HTR2C: variants seen among roughly 807,000 people sequenced by gnomAD.
HTR2C encodes the protein 5-hydroxytryptamine (serotonin) receptor 2C, G protein-coupled.
A neutral mutation model predicts 21.0 loss-of-function variants in HTR2C; 5 were observed. The observed-to-expected ratio is 0.24, with a 90% CI of 0.12 to 0.50. HTR2C has a LOEUF of 0.50. Ranked by LOEUF, HTR2C falls within the 20% of genes least tolerant of loss-of-function variation. The pLI is 0.98. For synonymous variants in HTR2C, 150 were observed against 145.3 expected, an observed-to-expected ratio of 1.03 and a Z score of -0.23; for missense variants, 271 against 371.2, an observed-to-expected ratio of 0.73 and a Z score of 2.22.
At chrX:114,631,150 A>G (rs1266192686) in intron 2 of HTR2C, among the ~76,000 whole-genome samples, 1 of 111,056 alleles carries the variant, frequency 9.0e-6, no homozygotes, top group Non-Finnish European at 1.9e-5. Flanking sequence ...TAAAAATACA[A>G]AAAAAATCAG....
At chrX:114,601,856 G>A (rs1928113196) in intron 1 of HTR2C, among the ~76,000 whole-genome samples, 2 of 96,641 alleles carry the variant, frequency 2.1e-5, no homozygotes, top group African/African-American at 7.7e-5. Flanking sequence ...AGCAGGATTA[G>A]GGGCGGCGTG....
chrX:114,823,520 C>T (rs1473407865), intron 4 of HTR2C: 4 of 344,549 alleles, frequency 1.2e-5, no homozygotes, highest in Admixed American at 3.1e-5. Flanking sequence ...AGGGGGCTGG[C>T]TGGTTGCATA....
At chrX:114,888,601 T>A in intron 5 of HTR2C, among the ~76,000 whole-genome samples, 1 of 111,962 alleles carries the variant, frequency 8.9e-6, no homozygotes. Flanking sequence ...AGTTTCCATC[T>A]TCCTGCATTG....
At chrX:114,633,941 T>G (rs1556404809) in intron 2 of HTR2C, among the ~76,000 whole-genome samples, 1 of 23,232 alleles carries the variant, frequency 4.3e-5, no homozygotes, top group Non-Finnish European at 8.4e-5. Context: ...TGTATATATA[T>G]ATATATAGAG....
At chrX:114,751,852 A>G (rs1246845230) in intron 4 of HTR2C, among the ~76,000 whole-genome samples, 1 of 111,353 alleles carries the variant, frequency 9.0e-6, no homozygotes, top group Non-Finnish European at 1.9e-5. Context: ...AATTTTCTTC[A>G]CCCTTCAAAT....
chrX:114,726,297 C>G (rs1476285952), intron 2 of HTR2C, among the ~76,000 whole-genome samples: 1 of 112,517 alleles, frequency 8.9e-6, no homozygotes, highest in Non-Finnish European at 1.9e-5. Flanking sequence ...GTCTGTCACC[C>G]CTTTGTTTGA....
intron 4 of HTR2C, among the ~76,000 whole-genome samples, chrX:114,834,123 A>G (rs1466868092): frequency 9.1e-6 from 1 of 109,677 alleles, no homozygotes; most frequent in Non-Finnish European, 1.9e-5. Context: ...ACTTCCAAGT[A>G]TGTGGTCAAT....
chrX:114,812,764 A>C lies in HTR2C; in HGVS notation c.350-35239A>C, dbSNP rs782665458. ...AACAAACAAACAAACAAAAAAAAAA[A>C]CAAAAAAACAAGGCTATCTTGTTAA... On this transcript the variant is annotated intron_variant, in intron 4 of 5. Coordinates refer to ENST00000276198, the MANE Select transcript of HTR2C (RefSeq NM_000868.4). 5.0e-4 allele frequency among the ~76,000 whole-genome samples: 55 copies of C among 109,729 alleles called. 1 individual carries two copies. Among genetic ancestry groups the C allele is most frequent in the African/African-American group, 1.7e-3 (52 of 30,126 alleles).
chrX:114,604,489 A>G (rs1928303120), intron 1 of HTR2C, among the ~76,000 whole-genome samples: 1 of 109,949 alleles, frequency 9.1e-6, no homozygotes, highest in African/African-American at 3.3e-5. Flanking sequence ...CTTACCTTCC[A>G]CTGTGAGAGT....
intron 2 of HTR2C, among the ~76,000 whole-genome samples, chrX:114,684,105 C>A (rs185442410): frequency 9.9e-5 from 11 of 110,884 alleles, no homozygotes; most frequent in Non-Finnish European, 1.7e-4. Flanking sequence ...ATATTGAGAG[C>A]CCTTTGAGAT....
intron 1 of HTR2C, among the ~76,000 whole-genome samples, chrX:114,597,771 A>G (rs1437319377): frequency 8.9e-6 from 1 of 112,003 alleles, no homozygotes; most frequent in Non-Finnish European, 1.9e-5. Context: ...TCCATGCTAC[A>G]CTAGTTTAGC....
intron 2 of HTR2C, among the ~76,000 whole-genome samples, chrX:114,681,240 G>T (rs1234226914): frequency 9.0e-6 from 1 of 111,152 alleles, no homozygotes; most frequent in Non-Finnish European, 1.9e-5. Context: ...GGAAATTGAG[G>T]ACAGTTGGTC....
At chrX:114,590,629 A>G (rs1556390837) in intron 1 of HTR2C, among the ~76,000 whole-genome samples, 2 of 112,281 alleles carry the variant, frequency 1.8e-5, no homozygotes, top group African/African-American at 6.5e-5. Flanking sequence ...CTGCACAATA[A>G]TATTCAAGAA....
At chrX:114,775,014 C>CTGA in intron 4 of HTR2C, 1 of 485,551 alleles carries the variant, frequency 2.1e-6, no homozygotes, top group African/African-American at 2.3e-5. Context: ...TCTTAGCAGC[C>CTGA]TGATTCTTAT....
chrX:114,907,502 T>C lies in HTR2C; in HGVS notation c.*87T>C. ...TAATTTTTCTGTTGGTCTTAACTAA[T>C]GTAAATATTGCTGTCTGAAAAAGTG... is the stretch of plus-strand genomic sequence containing the variant. On this transcript the variant is annotated 3_prime_UTR_variant, in exon 6 of 6. Coordinates refer to ENST00000276198, the MANE Select transcript of HTR2C (RefSeq NM_000868.4). 1.5e-6 allele frequency: 1 copy of C among 672,623 alleles called. No individual in the cohort carries two copies. Among genetic ancestry groups the C allele is most frequent in the Non-Finnish European group, 2.3e-6 (1 of 434,070 alleles). The allele number at this position is 672,623 out of a possible 1,213,427, so 55.4% of individuals were successfully genotyped here.
chrX:114,676,772 T>C (rs1474250375), intron 2 of HTR2C, among the ~76,000 whole-genome samples: 1 of 112,292 alleles, frequency 8.9e-6, no homozygotes, highest in African/African-American at 3.2e-5. Context: ...GAATATGCTC[T>C]GCACAATTTG....
At chrX:114,728,675 A>G (rs185644187) in intron 3 of HTR2C, among the ~76,000 whole-genome samples, 14 of 111,430 alleles carry the variant, frequency 1.3e-4, no homozygotes, top group Non-Finnish European at 5.7e-5. Context: ...TTTGTCTTAC[A>G]GATTCTTTTA....
At position 114,714,241 on chromosome X, in the gene HTR2C, A is replaced by T. The variant is rs1932942525; in HGVS notation, c.-79-12617A>T. On this transcript the variant is annotated intron_variant, in intron 2 of 5. Coordinates refer to ENST00000276198, the MANE Select transcript of HTR2C (RefSeq NM_000868.4). The stretch of plus-strand genomic sequence containing the variant: ...ACAAAATGGTAGAAGAGTACACAAA[A>T]CCATAAACAGATTCTACCTGAGAAT... 2.7e-5 allele frequency among the ~76,000 whole-genome samples: 3 copies of T among 111,939 alleles called. No homozygotes were observed. The South Asian group carries it at 1.1e-3, about 41-fold the overall frequency.
chrX:114,769,026 A>G (rs1042547634), intron 4 of HTR2C, among the ~76,000 whole-genome samples: 1 of 4,026 alleles, frequency 2.5e-4, no homozygotes, highest in African/African-American at 9.0e-4. Flanking sequence ...ACATGTGTTA[A>G]AACTATTTGA....
Sources: gnomAD v4.1 joint callset for allele counts (sites outside exome capture counted in the v4.1 genomes callset) on GRCh38, gnomAD v4.1.1 for gene constraint, MANE v1.5 for transcripts, NCBI Gene and HGNC (gene_info 2026-07-23, HGNC 2026-07-21) for gene names.